Variants in NLGN4X observed in about 807,000 individuals in gnomAD.
The protein encoded by NLGN4X is neuroligin-4, X-linked.
A neutral mutation model predicts 40.3 loss-of-function variants in NLGN4X; 3 were observed. The ratio of observed to expected loss-of-function variants is 0.07; its 90% confidence interval spans 0.03 to 0.19. NLGN4X has a LOEUF of 0.19. Ranked by LOEUF, NLGN4X falls within the 10% of genes least tolerant of loss-of-function variation. NLGN4X has a pLI of 1.00. For missense variants in NLGN4X, 382 were observed against 708.3 expected, an observed-to-expected ratio of 0.54 and a Z score of 5.23; for synonymous variants, 270 against 306.8, an observed-to-expected ratio of 0.88 and a Z score of 1.25.
At chrX:6,198,260 T>C (rs1259669196) in intron 1 of NLGN4X, among the ~76,000 whole-genome samples, 1 of 111,175 alleles carries the variant, frequency 9.0e-6, no homozygotes, top group Non-Finnish European at 1.9e-5. Context: ...AACTAAAGAT[T>C]TGGGGGTTCA....
At chrX:5,923,687 A>G (rs1330467644) in intron 3 of NLGN4X, among the ~76,000 whole-genome samples, 2 of 111,793 alleles carry the variant, frequency 1.8e-5, no homozygotes, top group Non-Finnish European at 3.8e-5. Flanking sequence ...GCCTGCCCCC[A>G]TGATTCACTT....
chrX:5,925,885 T>TATATATATATATATACATACAC (rs2033276102), intron 3 of NLGN4X, among the ~76,000 whole-genome samples: 1 of 5,086 alleles, frequency 2.0e-4, no homozygotes, highest in East Asian at 2.8e-3. Context: ...TACACACATA[T>TATATATATATATATACATACAC]ATATATATAT....
At chrX:5,897,712 T>C (rs2031580120) in intron 5 of NLGN4X, among the ~76,000 whole-genome samples, 2 of 112,106 alleles carry the variant, frequency 1.8e-5, no homozygotes, top group African/African-American at 6.5e-5. Context: ...ACATCCTTTC[T>C]TGATCAAGGT....
chrX:6,127,613 GA>G (rs2039588183), intron 2 of NLGN4X, among the ~76,000 whole-genome samples: 2 of 111,176 alleles, frequency 1.8e-5, no homozygotes, highest in South Asian at 7.6e-4. Flanking sequence ...TGTCTCAAAA[GA>G]AAAAAAAGAA....
chrX:5,925,851 CATATATATATATATATATAT>C (rs774766613), intron 3 of NLGN4X, among the ~76,000 whole-genome samples: 1 of 36,419 alleles, frequency 2.7e-5, no homozygotes, highest in African/African-American at 1.1e-4. Flanking sequence ...TATACATACA[CATATATATATATATATATAT>C]ACATACACAC....
chrX:6,152,877 G>A lies in NLGN4X; in HGVS notation c.-305-1106C>T, dbSNP rs148676070. The stretch of plus-strand genomic sequence containing the variant: ...TTTAAAAAGCTGAGGCTGCATTTGA[G>A]TTACTTTCCCATTGAGCCTGGAGTC... On this transcript the variant is annotated intron_variant, in intron 1 of 5. Coordinates refer to ENST00000381095, the MANE Select transcript of NLGN4X (RefSeq NM_181332.3). 9.3e-3 allele frequency among the ~76,000 whole-genome samples: 1,046 copies of A among 112,570 alleles called. 8 individuals carry two copies. The highest frequency in any genetic ancestry group is 0.032 in the African/African-American group (1,004 of 31,036).
intron 2 of NLGN4X, among the ~76,000 whole-genome samples, chrX:6,048,856 G>T (rs1212127469): frequency 1.9e-5 from 2 of 107,094 alleles, no homozygotes; most frequent in Non-Finnish European, 1.9e-5. Flanking sequence ...GAGGGCGGGG[G>T]GAAGGGAGAG....
intron 2 of NLGN4X, among the ~76,000 whole-genome samples, chrX:6,030,808 G>A (rs776711583): frequency 9.8e-5 from 11 of 111,866 alleles, no homozygotes; most frequent in East Asian, 2.8e-4. Flanking sequence ...CATACACTAC[G>A]GGAAATGTCT....
chrX:6,127,624 A>C (rs1465708047), intron 2 of NLGN4X, among the ~76,000 whole-genome samples: 1 of 112,386 alleles, frequency 8.9e-6, no homozygotes, highest in Admixed American at 9.4e-5. Context: ...AAAAAAAAGA[A>C]TACATTGCTT....
At chrX:5,928,369 G>A (rs1437871097) in intron 3 of NLGN4X, among the ~76,000 whole-genome samples, 1 of 111,592 alleles carries the variant, frequency 9.0e-6, no homozygotes, top group East Asian at 2.8e-4. Context: ...CATGGACACT[G>A]AATAAATGAA....
At chrX:6,061,485 T>C (rs1206445253) in intron 2 of NLGN4X, among the ~76,000 whole-genome samples, 1 of 112,149 alleles carries the variant, frequency 8.9e-6, no homozygotes, top group African/African-American at 3.2e-5. Flanking sequence ...AAAATATTTA[T>C]TGATATTGAT....
At chrX:6,156,014 A>G (rs780455322) in intron 1 of NLGN4X, among the ~76,000 whole-genome samples, 13 of 112,400 alleles carry the variant, frequency 1.2e-4, no homozygotes, top group Non-Finnish European at 1.7e-4. Context: ...TAAAAGAGGA[A>G]CTACCATTTG....
chrX:5,912,852 G>A (rs2032544715), intron 3 of NLGN4X, among the ~76,000 whole-genome samples: 1 of 90,092 alleles, frequency 1.1e-5, no homozygotes, highest in Non-Finnish European at 2.2e-5. Flanking sequence ...AGGGAAGGAG[G>A]GAGGGAGGGA....
intron 3 of NLGN4X, among the ~76,000 whole-genome samples, chrX:5,972,124 T>G (rs2035038508): frequency 9.4e-6 from 1 of 106,549 alleles, no homozygotes; most frequent in Admixed American, 9.7e-5. Flanking sequence ...CACACACATG[T>G]GCACACACAG....
Position 6,183,495 on chromosome X carries a change from G to A in NLGN4X, c.-305-31724C>T, listed in dbSNP as rs377055643. Among the ~76,000 whole-genome samples the A allele has an allele frequency of 1.2e-4, 13 of 110,081 alleles. No individual in the cohort carries two copies. The East Asian group carries it at 2.9e-3, about 24-fold the overall frequency. Reference sequence around the variant, plus strand: ...ACGGGAGGCGGAGTTTGCAGTGAGCGGAGATCGCGCCACTGCACTCCAGCC... The same window carrying A: ...ACGGGAGGCGGAGTTTGCAGTGAGCAGAGATCGCGCCACTGCACTCCAGCC... On this transcript the variant is annotated intron_variant, in intron 1 of 5. Coordinates refer to ENST00000381095, the MANE Select transcript of NLGN4X (RefSeq NM_181332.3).
intron 2 of NLGN4X, among the ~76,000 whole-genome samples, chrX:6,130,345 A>C (rs1415775335): frequency 2.7e-5 from 3 of 111,982 alleles, no homozygotes; most frequent in Non-Finnish European, 5.6e-5. Flanking sequence ...CCCCAATGTA[A>C]ATACAGTTAC....
At chrX:5,983,367 G>T (rs2147073000) in intron 3 of NLGN4X, among the ~76,000 whole-genome samples, 1 of 112,084 alleles carries the variant, frequency 8.9e-6, no homozygotes, top group South Asian at 3.7e-4. Flanking sequence ...AATCCCAAAG[G>T]AATTAAGATG....
intron 2 of NLGN4X, among the ~76,000 whole-genome samples, chrX:6,104,010 A>C (rs1164290043): frequency 1.8e-5 from 2 of 111,879 alleles, no homozygotes; most frequent in Non-Finnish European, 3.8e-5. Context: ...TGTGATTTGC[A>C]TAAGTGTGCA....
At chrX:5,989,080 A>AT (rs1555940656) in intron 3 of NLGN4X, among the ~76,000 whole-genome samples, 31 of 105,196 alleles carry the variant, frequency 2.9e-4, no homozygotes, top group African/African-American at 9.4e-4. Flanking sequence ...AAAAATAAAA[A>AT]AAATAAAAAA....
Sources: gnomAD v4.1 joint callset for allele counts (sites outside exome capture counted in the v4.1 genomes callset) on GRCh38, gnomAD v4.1.1 for gene constraint, MANE v1.5 for transcripts, NCBI Gene and HGNC (gene_info 2026-07-23, HGNC 2026-07-21) for gene names.